Variants in ARHGAP44 observed in about 807,000 individuals in gnomAD.
ARHGAP44 encodes Rho GTPase activating protein 44, also known as rho GTPase-activating protein 44.
Under a neutral mutation model 106.8 loss-of-function variants are expected in ARHGAP44, and 43 were observed. That is an observed-to-expected ratio of 0.40 (90% CI 0.32 to 0.52). ARHGAP44 has a LOEUF of 0.52. Ranked by LOEUF, ARHGAP44 falls within the 20% of genes least tolerant of loss-of-function variation. The pLI is 0.48. For synonymous variants in ARHGAP44, 439 were observed against 410.3 expected, an observed-to-expected ratio of 1.07 and a Z score of -0.85; for missense variants, 866 against 1,050.5, an observed-to-expected ratio of 0.82 and a Z score of 2.43.
chr17:12,809,873 T>G (rs1356323394), intron 1 of ARHGAP44, among the ~76,000 whole-genome samples: 1 of 152,162 alleles, frequency 6.6e-6, no homozygotes, highest in Admixed American at 6.6e-5. Context: ...GGGTTGGTGC[T>G]TGGGCAAAGG....
intron 20 of ARHGAP44, chr17:12,986,373 C>T (rs1436587305): frequency 6.6e-6 from 1 of 152,240 alleles, no homozygotes; most frequent in Non-Finnish European, 1.5e-5. Context: ...CGAGCCAGGT[C>T]TCCAGGGCTG....
At chr17:12,806,080 T>A (rs1312366920) in intron 1 of ARHGAP44, among the ~76,000 whole-genome samples, 3 of 152,188 alleles carry the variant, frequency 2.0e-5, no homozygotes, top group Admixed American at 6.5e-5. Context: ...TGAAGGGAAA[T>A]CTGGCGTACA....
Position 12,944,213 on chromosome 17 carries a change from C to T in ARHGAP44, c.861+17C>T, listed in dbSNP as rs1379214598. 6.3e-7 allele frequency: 1 copy of T among 1,583,956 alleles called. No individual in the cohort carries two copies. Among genetic ancestry groups the T allele is most frequent in the Non-Finnish European group, 8.6e-7 (1 of 1,162,996 alleles). Reference sequence around the variant, plus strand: ...CAGGAGGAGGTAGGTCTGAGCACAGCCACACGCCGCCCCGGGCAGGTCTCC... The same window carrying T: ...CAGGAGGAGGTAGGTCTGAGCACAGTCACACGCCGCCCCGGGCAGGTCTCC... On this transcript the variant is annotated intron_variant, in intron 10 of 20. Coordinates refer to ENST00000379672, the MANE Select transcript of ARHGAP44 (RefSeq NM_014859.6).
At chr17:12,985,009 G>A (rs774164942) in intron 20 of ARHGAP44, 101 bp downstream of exon 20, 29 of 1,440,424 alleles carry the variant, frequency 2.0e-5, no homozygotes, top group South Asian at 8.4e-5. Context: ...ACATTCCTGC[G>A]TGCTTTGGGA....
chr17:12,826,792 C>T (rs2034931720), intron 1 of ARHGAP44, among the ~76,000 whole-genome samples: 1 of 152,106 alleles, frequency 6.6e-6, no homozygotes, highest in Admixed American at 6.5e-5. Context: ...TTTATTTGTC[C>T]ATTTCTTACA....
intron 1 of ARHGAP44, among the ~76,000 whole-genome samples, chr17:12,861,279 C>T (rs930124817): frequency 4.6e-5 from 7 of 152,090 alleles, no homozygotes; most frequent in South Asian, 4.1e-4. Flanking sequence ...CGTGAGCCAC[C>T]GTGTGCCTGG....
chr17:12,882,512 A>G, intron 1 of ARHGAP44, among the ~76,000 whole-genome samples: 1 of 152,150 alleles, frequency 6.6e-6, no homozygotes. Flanking sequence ...ATGATTCTAA[A>G]GAGCATGGTT....
chr17:12,894,850 TG>T, intron 1 of ARHGAP44, 89 bp from the exon 2 acceptor site: 2 of 1,164,140 alleles, frequency 1.7e-6, no homozygotes, highest in Non-Finnish European at 2.5e-6. Flanking sequence ...TCTGTTTTTC[TG>T]GTATTGCCTT....
chr17:12,873,769 G>A (rs1033195781), intron 1 of ARHGAP44, among the ~76,000 whole-genome samples: 1 of 152,064 alleles, frequency 6.6e-6, no homozygotes, highest in Admixed American at 6.6e-5. Context: ...ATGGTGGCGG[G>A]CACCTGTAAT....
At chr17:12,904,380 A>G (rs2037485235) in intron 3 of ARHGAP44, among the ~76,000 whole-genome samples, 1 of 152,226 alleles carries the variant, frequency 6.6e-6, no homozygotes, top group Non-Finnish European at 1.5e-5. Flanking sequence ...CTCTGGGATT[A>G]CAGGCGTGAG....
intron 6 of ARHGAP44, among the ~76,000 whole-genome samples, chr17:12,923,493 A>G (rs2038144706): frequency 6.6e-6 from 1 of 151,952 alleles, no homozygotes; most frequent in Admixed American, 6.6e-5. Flanking sequence ...CTGGGTTTAC[A>G]GGCGTGAGCC....
intron 16 of ARHGAP44, among the ~76,000 whole-genome samples, chr17:12,971,354 T>A (rs2039523247): frequency 6.6e-6 from 1 of 151,906 alleles, no homozygotes; most frequent in African/African-American, 2.4e-5. Context: ...TCTCACCAGG[T>A]GGGAAAGCCT....
intron 20 of ARHGAP44, chr17:12,987,455 T>G (rs1346155800): frequency 9.2e-6 from 3 of 325,626 alleles, no homozygotes; most frequent in Non-Finnish European, 1.7e-5. Context: ...CCGCCCTCCC[T>G]CAGGCTTAGA....
At chr17:12,873,482 T>A (rs1031199261) in intron 1 of ARHGAP44, among the ~76,000 whole-genome samples, 3 of 152,212 alleles carry the variant, frequency 2.0e-5, no homozygotes, top group East Asian at 3.8e-4. Flanking sequence ...ATGTGCAATT[T>A]CAAGAACATC....
At chr17:12,804,228 T>G (rs2034205521) in intron 1 of ARHGAP44, among the ~76,000 whole-genome samples, 1 of 152,200 alleles carries the variant, frequency 6.6e-6, no homozygotes. Flanking sequence ...GTCCTGATCA[T>G]GGAATAAGAG....
chr17:12,917,175 C>T (rs188929653), intron 5 of ARHGAP44: 2 of 154,292 alleles, frequency 1.3e-5, no homozygotes, highest in Non-Finnish European at 1.5e-5. Context: ...GAGAGAGAAC[C>T]AACAGGATAT....
At chr17:12,833,377 A>C (rs983849969) in intron 1 of ARHGAP44, among the ~76,000 whole-genome samples, 3 of 152,046 alleles carry the variant, frequency 2.0e-5, no homozygotes, top group Non-Finnish European at 4.4e-5. Context: ...CTGATACCCA[A>C]CTAGCTTAAA....
chr17:12,947,973 T>C (rs922206258), intron 10 of ARHGAP44, among the ~76,000 whole-genome samples: 4 of 152,224 alleles, frequency 2.6e-5, no homozygotes, highest in Non-Finnish European at 5.9e-5. Context: ...GTAGGAACAC[T>C]TTTTCTAAAG....
chr17:12,921,380 CTG>C (rs2038080160), intron 6 of ARHGAP44, among the ~76,000 whole-genome samples: 1 of 151,820 alleles, frequency 6.6e-6, no homozygotes, highest in Non-Finnish European at 1.5e-5. Context: ...GGATCTCACT[CTG>C]TAACTCAGGC....
Sources: gnomAD v4.1 joint callset for allele counts (sites outside exome capture counted in the v4.1 genomes callset) on GRCh38, gnomAD v4.1.1 for gene constraint, MANE v1.5 for transcripts, NCBI Gene and HGNC (gene_info 2026-07-23, HGNC 2026-07-21) for gene names.